The following SPNS3 variants were observed in gnomAD, a reference collection of about 807,000 sequenced individuals.
The protein encoded by SPNS3 is SPNS lysolipid transporter 3, sphingosine-1-phosphate (putative).
SPNS3 carries 51 observed loss-of-function variants against 54.4 expected under a neutral mutation model. That is an observed-to-expected ratio of 0.94 (90% CI 0.75 to 1.18). The LOEUF is 1.18. Ranked by LOEUF, SPNS3 falls within the 50% of genes most tolerant of loss-of-function variation. The pLI is 0.00. For missense variants in SPNS3, 669 were observed against 677.4 expected, an observed-to-expected ratio of 0.99 and a Z score of 0.14; for synonymous variants, 309 against 294.7, an observed-to-expected ratio of 1.05 and a Z score of -0.50.
chr17:4,461,006 G>A (rs1302538294), intron 8 of SPNS3, among the ~76,000 whole-genome samples: 1 of 152,076 alleles, frequency 6.6e-6, no homozygotes, highest in African/African-American at 2.4e-5. Context: ...AAAGTTTTTT[G>A]ATTGCTAACT....
At chr17:4,439,532 T>C in intron 1 of SPNS3, 126 bp from the exon 2 acceptor site, 1 of 726,116 alleles carries the variant, frequency 1.4e-6, no homozygotes, top group Non-Finnish European at 2.4e-6. Context: ...GAGAGAACAG[T>C]GGGCTTGGGT....
At chr17:4,445,931 T>A in intron 3 of SPNS3, 117 bp from the exon 4 acceptor site, 1 of 1,241,596 alleles carries the variant, frequency 8.1e-7, no homozygotes, top group Non-Finnish European at 1.1e-6. Flanking sequence ...CGATCCCCTC[T>A]CCCTACTCTG....
chr17:4,439,269 G>A (rs1045706186), intron 1 of SPNS3, among the ~76,000 whole-genome samples: 2 of 151,858 alleles, frequency 1.3e-5, no homozygotes, highest in Non-Finnish European at 2.9e-5. Flanking sequence ...GATTACAGGC[G>A]CCCGCCACCA....
chr17:4,439,548 G>A, intron 1 of SPNS3, 110 bp from the exon 2 acceptor site: 1 of 904,074 alleles, frequency 1.1e-6, no homozygotes, highest in Non-Finnish European at 1.7e-6. Context: ...TGGGTGCCAT[G>A]CCCTGTGCTG....
At chr17:4,450,906 C>T (rs1971147453) in intron 7 of SPNS3, among the ~76,000 whole-genome samples, 1 of 152,030 alleles carries the variant, frequency 6.6e-6, no homozygotes, top group Admixed American at 6.6e-5. Context: ...CCGTGCCCGG[C>T]CGAACTTACA....
intron 8 of SPNS3, among the ~76,000 whole-genome samples, chr17:4,468,208 A>G (rs1971735782): frequency 6.6e-6 from 1 of 152,234 alleles, no homozygotes; most frequent in Admixed American, 6.5e-5. Flanking sequence ...TGGGCAGCTC[A>G]GGTGGAAGAA....
rs141303814 is a variant in SPNS3, at chr17:4,471,984, G to A, written c.1114-6588G>A. ...AGCGATCCTCCTGCCTTAGCCTCCC[G>A]AGTAGCTGGGACTACAGGCGTGCTC... On this transcript the variant is annotated intron_variant, in intron 8 of 11. Coordinates refer to ENST00000355530, the MANE Select transcript of SPNS3 (RefSeq NM_182538.5). Among the ~76,000 whole-genome samples, 982 of 151,666 alleles carry A rather than the reference G, an allele frequency of 6.5e-3. 3 individuals are homozygous for A. The highest frequency in any genetic ancestry group is 0.021 in the African/African-American group (873 of 41,356).
At chr17:4,446,579 C>T (rs1283485586) in intron 4 of SPNS3, 1 of 530,224 alleles carries the variant, frequency 1.9e-6, no homozygotes, top group Non-Finnish European at 3.4e-6. Flanking sequence ...AGGACCCTGG[C>T]CTCTGACCCA....
intron 6 of SPNS3, 45 bp downstream of exon 6, chr17:4,448,348 T>C (rs1567557479): frequency 6.9e-7 from 1 of 1,455,260 alleles, no homozygotes; most frequent in East Asian, 2.6e-5. Flanking sequence ...AAAGCCCGTT[T>C]GTCTGCCCCA....
chr17:4,462,132 T>A (rs1414604078), intron 8 of SPNS3, among the ~76,000 whole-genome samples: 2 of 404 alleles, frequency 5.0e-3, no homozygotes, highest in Admixed American at 0.026. Context: ...CATCCATCCA[T>A]CCATCCATCC....
intron 1 of SPNS3, among the ~76,000 whole-genome samples, chr17:4,437,754 A>G (rs944148831): frequency 6.6e-6 from 1 of 152,030 alleles, no homozygotes; most frequent in Non-Finnish European, 1.5e-5. Context: ...TGCAGTGGCA[A>G]TTGGGGACAA....
At chr17:4,458,624 T>TCTTTC (rs1971404307) in intron 8 of SPNS3, among the ~76,000 whole-genome samples, 1 of 144,240 alleles carries the variant, frequency 6.9e-6, no homozygotes, top group Non-Finnish European at 1.5e-5. Flanking sequence ...TTTCTTTCTT[T>TCTTTC]CTTTCTTTCT....
intron 5 of SPNS3, among the ~76,000 whole-genome samples, chr17:4,447,842 C>T (rs1476118664): frequency 3.3e-5 from 5 of 152,086 alleles, no homozygotes; most frequent in East Asian, 1.9e-4. Context: ...GCCAGTGTAG[C>T]GAGGGTCCCT....
intron 8 of SPNS3, among the ~76,000 whole-genome samples, chr17:4,469,590 G>T (rs149445029): frequency 0.059 from 8,291 of 141,350 alleles, 295 homozygotes; most frequent in Middle Eastern, 0.15. Flanking sequence ...CTGCACGCCA[G>T]CCTGGGCGAC....
At position 4,488,020 on chromosome 17, in the gene SPNS3, G is replaced by A. The variant is rs532573142; in HGVS notation, c.*126G>A. ...GCACATCTGCCACTTTTGAATTCCC[G>A]GCTGGAGAGCTGGCAGGACCCTGTG... On this transcript the variant is annotated 3_prime_UTR_variant, in exon 12 of 12. Transcript: ENST00000355530. 4.5e-5 allele frequency: 36 copies of A among 804,620 alleles called. No homozygotes were observed. Among genetic ancestry groups the A allele is most frequent in the East Asian group, 1.3e-4 (5 of 38,346 alleles). The allele number at this position is 804,620 out of a possible 1,614,324, so 49.8% of individuals were successfully genotyped here.
At position 4,434,184 on chromosome 17, in the gene SPNS3, A is replaced by T. The variant is rs1567549829; in HGVS notation, c.199+18A>T. Reference sequence around the variant, plus strand: ...CATTGCAGGTGAGGAGGGGATGGCTACCCTGGGCAGTACCTGCTGCTGTGC... The same window carrying T: ...CATTGCAGGTGAGGAGGGGATGGCTTCCCTGGGCAGTACCTGCTGCTGTGC... On this transcript the variant is annotated intron_variant, in intron 1 of 11. Coordinates refer to ENST00000355530, the MANE Select transcript of SPNS3 (RefSeq NM_182538.5). 6.3e-7 allele frequency: 1 copy of T among 1,597,096 alleles called. No individual in the cohort carries two copies.
chr17:4,465,651 C>G (rs1038977389), intron 8 of SPNS3, among the ~76,000 whole-genome samples: 1 of 152,100 alleles, frequency 6.6e-6, no homozygotes, highest in Non-Finnish European at 1.5e-5. Context: ...CACTTGAACA[C>G]AGGAGGCGGA....
chr17:4,447,434 G>T (rs185278863), intron 5 of SPNS3, among the ~76,000 whole-genome samples: 1 of 152,216 alleles, frequency 6.6e-6, no homozygotes, highest in Non-Finnish European at 1.5e-5. Context: ...TGTTTCCAAC[G>T]TGGGCATGGA....
chr17:4,463,769 TACAATATACATTTAGCATGAA>T (rs1342400186), intron 8 of SPNS3, among the ~76,000 whole-genome samples: 32 of 151,324 alleles, frequency 2.1e-4, no homozygotes, highest in Non-Finnish European at 4.4e-5. Flanking sequence ...TACTTGTACA[TACAATATACATTTAGCATGAA>T]CATGCTAAAT....
Sources: allele counts gnomAD v4.1 joint callset (sites outside exome capture counted in the v4.1 genomes callset), GRCh38; gene constraint gnomAD v4.1.1; transcripts MANE v1.5; gene names NCBI Gene and HGNC (gene_info 2026-07-23, HGNC 2026-07-21).